Variants in RGMA observed in about 807,000 individuals in gnomAD.
The protein encoded by RGMA is repulsive guidance molecule BMP co-receptor a.
Under a neutral mutation model 23.2 loss-of-function variants are expected in RGMA, and 10 were observed. The ratio of observed to expected loss-of-function variants is 0.43; its 90% CI spans 0.27 to 0.73. RGMA has a LOEUF of 0.73. Ranked by LOEUF, RGMA falls within the 30% of genes least tolerant of loss-of-function variation. The pLI, the probability that RGMA is intolerant of heterozygous loss-of-function variation, is 0.20. For synonymous variants in RGMA, 308 were observed against 279.3 expected, an observed-to-expected ratio of 1.10 and a Z score of -1.03; for missense variants, 547 against 630.5, an observed-to-expected ratio of 0.87 and a Z score of 1.42.
chr15:93,076,254 C>T (rs980211123), intron 1 of RGMA, among the ~76,000 whole-genome samples: 2 of 152,028 alleles, frequency 1.3e-5, no homozygotes, highest in Non-Finnish European at 2.9e-5. Context: ...TGAGCATCCC[C>T]CTCCACCTTC....
At chr15:93,048,448 G>T (rs868666444) in intron 3 of RGMA, among the ~76,000 whole-genome samples, 1 of 152,148 alleles carries the variant, frequency 6.6e-6, no homozygotes, top group East Asian at 1.9e-4. Context: ...TGGAGGCTGC[G>T]GAGGGTCGGG....
At chr15:93,069,079 G>GTT (rs1280929175) in intron 2 of RGMA, among the ~76,000 whole-genome samples, 10 of 151,282 alleles carry the variant, frequency 6.6e-5, no homozygotes, top group African/African-American at 2.4e-4. Context: ...GAGCAATAGT[G>GTT]TGGTAAGCAG....
At chr15:93,066,554 G>A in intron 2 of RGMA, 1 of 475,526 alleles carries the variant, frequency 2.1e-6, no homozygotes, top group Non-Finnish European at 4.1e-6. Context: ...CTGCTTTCTG[G>A]GGCTTCCCTG....
Position 93,045,952 on chromosome 15 carries a change from A to G in RGMA, c.646-247T>C, listed in dbSNP as rs1297779546. Among the ~76,000 whole-genome samples, 2 of 152,210 alleles carry G rather than the reference A, an allele frequency of 1.3e-5. No homozygotes were observed. Among genetic ancestry groups the G allele is most frequent in the African/African-American group, 2.4e-5 (1 of 41,458 alleles). On this transcript the variant is annotated intron_variant, in intron 3 of 3. Transcript: ENST00000329082. This position sits in a 1 kb window ranked among gnomAD's most constrained non-coding sequence, Gnocchi z 6.9. ...TAGAAAAATGTTAGACCACTACCCT[A>G]AGTAGAAAACTAGCTCTTTTACTAT...
intron 3 of RGMA, among the ~76,000 whole-genome samples, chr15:93,049,391 G>A (rs967472967): frequency 5.9e-5 from 9 of 152,334 alleles, no homozygotes; most frequent in African/African-American, 1.7e-4. Context: ...GAAGGGGAAG[G>A]CGCAGGACTT....
intron 1 of RGMA, among the ~76,000 whole-genome samples, chr15:93,076,929 T>G (rs1276105707): frequency 6.6e-6 from 1 of 152,122 alleles, no homozygotes; most frequent in East Asian, 1.9e-4. Context: ...ACACAGACTC[T>G]GACAGGGGAG....
At position 93,040,215 on chromosome 15, in the gene RGMA, A is replaced by G. The variant is rs180959485; in HGVS notation, c.*4783T>C. 88 of 152,426 alleles carry G rather than the reference A, an allele frequency of 5.8e-4. 1 individual carries two copies. The highest frequency in any genetic ancestry group is 1.9e-3 in the African/African-American group (77 of 41,584). The allele number at this position is 152,426 out of a possible 1,614,324, so 9.4% of individuals were successfully genotyped here. ...CAGAGTGAGACCCTGTCTCTAAAAA[A>G]GAACAATAAAAAGACCCAAGTCGGA... On this transcript the variant is annotated 3_prime_UTR_variant, in exon 4 of 4. Transcript: ENST00000329082.
chr15:93,074,973 C>G (rs1895447347), intron 1 of RGMA, among the ~76,000 whole-genome samples: 1 of 152,192 alleles, frequency 6.6e-6, no homozygotes, highest in African/African-American at 2.4e-5. Context: ...GTCACTGCTG[C>G]AGCATGTCCA....
intron 1 of RGMA, chr15:93,073,459 G>T (rs1026299501): frequency 3.0e-5 from 31 of 1,018,034 alleles, no homozygotes; most frequent in Non-Finnish European, 4.3e-5. Flanking sequence ...CAGCACCCTT[G>T]GGAGGCCGCA....
intron 2 of RGMA, chr15:93,065,874 T>G (rs895181055): frequency 1.4e-6 from 1 of 734,266 alleles, no homozygotes; most frequent in East Asian, 2.7e-5. Flanking sequence ...CTTTGGGCTC[T>G]ACCCCGTCAG....
chr15:93,065,465 C>T (rs1170330065), intron 2 of RGMA: 3 of 427,380 alleles, frequency 7.0e-6, no homozygotes, highest in Non-Finnish European at 8.8e-6. Flanking sequence ...AGATGAAAAG[C>T]TGGTATTTTG....
rs145984893 is a variant in RGMA at position 93,083,065 on chromosome 15, G to A, written c.14+5854C>T. On this transcript the variant is annotated intron_variant, in intron 1 of 3. Transcript: ENST00000329082. Reference sequence around the variant, plus strand: ...GCCTTGCTCTTGTTGACTCCCGGCCGAGGCTCAGAGGGCCAGTATGTTCTC... The same window carrying A: ...GCCTTGCTCTTGTTGACTCCCGGCCAAGGCTCAGAGGGCCAGTATGTTCTC... Among the ~76,000 whole-genome samples, 1,387 of 152,330 alleles carry A rather than the reference G, an allele frequency of 9.1e-3. 19 individuals are homozygous for A. The highest frequency in any genetic ancestry group is 0.031 in the African/African-American group (1,305 of 41,572).
intron 2 of RGMA, among the ~76,000 whole-genome samples, chr15:93,054,931 C>T (rs181817402): frequency 7.3e-5 from 11 of 151,344 alleles, no homozygotes; most frequent in Admixed American, 3.9e-4. Context: ...GCTTCCCTGC[C>T]GCCCCCTGAT....
rs1048111469 is a variant in RGMA at position 93,039,660 on chromosome 15, C to T, written c.*5338G>A. The T allele has an allele frequency of 6.6e-6, 1 of 151,808 alleles. No homozygotes were observed. Among genetic ancestry groups the T allele is most frequent in the Non-Finnish European group, 1.5e-5 (1 of 68,032 alleles). The allele number at this position is 151,808 out of a possible 1,614,324, so 9.4% of individuals were successfully genotyped here. A position where few individuals can be genotyped will look rare whatever the true frequency, so the allele number is the denominator to read the frequency against. On this transcript the variant is annotated 3_prime_UTR_variant, in exon 4 of 4. Coordinates refer to ENST00000329082, the MANE Select transcript of RGMA (RefSeq NM_020211.3). ...AACATGCGGTGTTTGGTTTTCTGTTCTTGTGTTAGTTTGCTGAGAATGATG... is the reference window on the plus strand; with the variant it reads ...AACATGCGGTGTTTGGTTTTCTGTTTTTGTGTTAGTTTGCTGAGAATGATG...
intron 3 of RGMA, 139 bp downstream of exon 3, chr15:93,051,854 G>T: frequency 1.1e-6 from 1 of 891,860 alleles, no homozygotes; most frequent in Non-Finnish European, 1.7e-6. Flanking sequence ...GGGATGCTCA[G>T]GGAGGGTGCT....
rs2054663565 is a variant in RGMA, at chr15:93,036,585, CCCT to C, written c.*8410_*8412del. On this transcript the variant is annotated 3_prime_UTR_variant, in exon 4 of 4. Transcript: ENST00000329082. The stretch of plus-strand genomic sequence containing the variant: ...GATGGAGCCTGCCTGCCCTTTGAGC[CCCT>C]CCTCAGTCAGCCTCCCAGTGGGGGC... The C allele has an allele frequency of 6.6e-6, 1 of 152,508 alleles. No individual in the cohort carries two copies. The highest frequency in any genetic ancestry group is 2.4e-5 in the African/African-American group (1 of 41,440). 9.4% of individuals were successfully genotyped at this position (152,508 alleles called of 1,614,324 possible).
At chr15:93,046,909 TCTC>T (rs2054832772) in intron 3 of RGMA, among the ~76,000 whole-genome samples, 1 of 138,184 alleles carries the variant, frequency 7.2e-6, no homozygotes, top group Non-Finnish European at 1.6e-5. Flanking sequence ...GTGGCACTGT[TCTC>T]CTGAGAGCCA....
chr15:93,045,643 C>T lies in RGMA; in HGVS notation c.708G>A (p.Met236Ile), dbSNP rs899817759. Residue 236 changes from methionine to isoleucine, a missense_variant, in exon 4 of 4, where the codon ATG becomes ATA. Met to Ile is a conservative substitution (Grantham distance 10, BLOSUM62 1). Around this residue, in one of 3 missense-constraint regions of RGMA, gnomAD observed 128 missense variants for 191.7 expected, o/e 0.67. Transcript: ENST00000329082. This position sits in a 1 kb window ranked among gnomAD's most constrained non-coding sequence, Gnocchi z 6.9. ...CCACGAAGGCGGCCGGGAGCTCGTC[C>T]ATCTCAGCCTGGTACACCTTCTGGT... Reference protein sequence around the residue: ...CVDQKVYQAEMDELPAAFVDG... With the variant: ...CVDQKVYQAEIDELPAAFVDG... The T allele has an allele frequency of 6.2e-7, 1 of 1,611,244 alleles. No homozygotes were observed. The highest frequency in any genetic ancestry group is 8.5e-7 in the Non-Finnish European group (1 of 1,179,896).
intron 3 of RGMA, among the ~76,000 whole-genome samples, chr15:93,049,029 C>T (rs1291969105): frequency 1.3e-5 from 2 of 152,262 alleles, no homozygotes; most frequent in African/African-American, 2.4e-5. Flanking sequence ...CTGCTTGACT[C>T]TTCTTGGCAC....
Sources: allele counts gnomAD v4.1 joint callset (sites outside exome capture counted in the v4.1 genomes callset), GRCh38; gene constraint gnomAD v4.1.1; regional missense constraint gnomAD v4.1.1; non-coding constraint Gnocchi (gnomAD v3.1); transcripts MANE v1.5; gene names NCBI Gene and HGNC (gene_info 2026-07-23, HGNC 2026-07-21).